Variants in ZCWPW2 observed in about 807,000 individuals in gnomAD.
ZCWPW2 encodes the protein zinc finger CW-type and PWWP domain containing 2, also known as zinc finger CW-type PWWP domain protein 2.
In ZCWPW2, 45 loss-of-function variants were observed where a neutral mutation model predicts 46.6. The observed-to-expected ratio is 0.96, with a 90% CI of 0.76 to 1.24. The LOEUF is 1.24. Among genes scored for constraint, ZCWPW2 ranks in the 50% most tolerant of loss-of-function variants. ZCWPW2 has a pLI of 0.00. For synonymous variants in ZCWPW2, 152 were observed against 137.1 expected, an observed-to-expected ratio of 1.11 and a Z score of -0.76; for missense variants, 429 against 403.9, an observed-to-expected ratio of 1.06 and a Z score of -0.53.
At chr3:28,491,374 A>G (rs1464370909) in intron 5 of ZCWPW2, among the ~76,000 whole-genome samples, 3 of 152,170 alleles carry the variant, frequency 2.0e-5, no homozygotes, top group Non-Finnish European at 4.4e-5. Context: ...TACATACTTT[A>G]GCACATCTCA....
intron 1 of ZCWPW2, among the ~76,000 whole-genome samples, chr3:28,370,078 G>C (rs1705268940): frequency 1.3e-5 from 2 of 152,216 alleles, no homozygotes; most frequent in South Asian, 4.1e-4. Flanking sequence ...GACTAGGAAA[G>C]GGAATTCCCT....
At chr3:28,449,587 T>C (rs917445655) in intron 4 of ZCWPW2, among the ~76,000 whole-genome samples, 1 of 152,160 alleles carries the variant, frequency 6.6e-6, no homozygotes, top group Admixed American at 6.5e-5. Context: ...AAAACAGTTA[T>C]GGAGATAGAG....
chr3:28,403,372 A>T (rs1378498917), intron 2 of ZCWPW2, among the ~76,000 whole-genome samples: 1 of 152,184 alleles, frequency 6.6e-6, no homozygotes, highest in Non-Finnish European at 1.5e-5. Flanking sequence ...AAAACTACAT[A>T]ACACTGCTGT....
intron 2 of ZCWPW2, among the ~76,000 whole-genome samples, chr3:28,401,748 A>G (rs1695946352): frequency 6.6e-6 from 1 of 152,158 alleles, no homozygotes; most frequent in South Asian, 2.1e-4. Context: ...ACCACAGTAT[A>G]AGAAAACTGA....
chr3:28,428,845 G>A (rs563108104), intron 3 of ZCWPW2, among the ~76,000 whole-genome samples: 18 of 152,252 alleles, frequency 1.2e-4, no homozygotes, highest in African/African-American at 3.6e-4. Context: ...TGTGAAGAAG[G>A]ATGTGTTTGC....
chr3:28,355,765 A>T (rs1395854790), intron 1 of ZCWPW2, among the ~76,000 whole-genome samples: 1 of 152,264 alleles, frequency 6.6e-6, no homozygotes, highest in African/African-American at 2.4e-5. Flanking sequence ...TTCCCTATTT[A>T]ATAAATGGTG....
intron 2 of ZCWPW2, among the ~76,000 whole-genome samples, chr3:28,392,265 T>G (rs952748802): frequency 2.0e-5 from 3 of 152,122 alleles, no homozygotes; most frequent in Non-Finnish European, 2.9e-5. Flanking sequence ...CAAGAAGATA[T>G]AACATCCATA....
chr3:28,519,980 G>A (rs925433608), intron 8 of ZCWPW2, among the ~76,000 whole-genome samples: 6 of 150,592 alleles, frequency 4.0e-5, no homozygotes, highest in Non-Finnish European at 7.4e-5. Flanking sequence ...CAAGGTCAAT[G>A]AATTACCAGA....
chr3:28,381,960 C>T (rs1443466607), intron 1 of ZCWPW2, among the ~76,000 whole-genome samples: 1 of 151,956 alleles, frequency 6.6e-6, no homozygotes, highest in Non-Finnish European at 1.5e-5. Context: ...GTCAGGAGTT[C>T]GAGACCATCC....
At chr3:28,457,821 A>G in intron 4 of ZCWPW2, among the ~76,000 whole-genome samples, 1 of 152,352 alleles carries the variant, frequency 6.6e-6, no homozygotes, top group East Asian at 1.9e-4. Flanking sequence ...CAGAATATAT[A>G]AAATACTTTA....
intron 4 of ZCWPW2, among the ~76,000 whole-genome samples, chr3:28,462,166 G>A (rs1698665311): frequency 6.6e-6 from 1 of 152,124 alleles, no homozygotes; most frequent in South Asian, 2.1e-4. Flanking sequence ...GCCACTGCGA[G>A]GGAGACACAG....
chr3:28,363,703 A>T (rs1217235162), intron 1 of ZCWPW2, among the ~76,000 whole-genome samples: 1 of 152,128 alleles, frequency 6.6e-6, no homozygotes, highest in African/African-American at 2.4e-5. Flanking sequence ...AGGTACCAGA[A>T]AACTAGGGTC....
rs936663222 is a variant in ZCWPW2, at chr3:28,389,353, G to A, written c.-133-1145G>A. Among the ~76,000 whole-genome samples the A allele has an allele frequency of 3.3e-5, 5 of 152,000 alleles. No individual in the cohort carries two copies. In the East Asian group the frequency reaches 9.7e-4, roughly 29 times the overall value. ...CTTTTTCTTTTTTTTCCATCACTTT[G>A]TCCAATAACATGAGGAAGAACCATC... is the stretch of plus-strand genomic sequence containing the variant. On this transcript the variant is annotated intron_variant, in intron 1 of 9. Coordinates refer to ENST00000383768, the MANE Select transcript of ZCWPW2 (RefSeq NM_001040432.4).
At chr3:28,498,327 T>A (rs1700051908) in intron 6 of ZCWPW2, among the ~76,000 whole-genome samples, 1 of 151,744 alleles carries the variant, frequency 6.6e-6, no homozygotes, top group African/African-American at 2.4e-5. Flanking sequence ...TTGAGACAAC[T>A]CTGTCTGCAA....
intron 3 of ZCWPW2, among the ~76,000 whole-genome samples, chr3:28,417,565 A>G (rs1308607941): frequency 6.6e-6 from 1 of 151,218 alleles, no homozygotes; most frequent in African/African-American, 2.4e-5. Context: ...ACAACAAAAA[A>G]AGAGAATTTT....
chr3:28,457,300 T>A (rs1698462916), intron 4 of ZCWPW2, among the ~76,000 whole-genome samples: 1 of 152,226 alleles, frequency 6.6e-6, no homozygotes, highest in Non-Finnish European at 1.5e-5. Flanking sequence ...CCCTTATGAT[T>A]CTATCATTAA....
At chr3:28,349,387 T>G (rs1385054098) in intron 1 of ZCWPW2, among the ~76,000 whole-genome samples, 184 bp downstream of exon 1, 1 of 152,184 alleles carries the variant, frequency 6.6e-6, no homozygotes. Flanking sequence ...GGGAAGTCTG[T>G]TAGAAGCCGT....
intron 2 of ZCWPW2, 118 bp downstream of exon 2, chr3:28,390,735 C>A: frequency 1.3e-6 from 1 of 754,634 alleles, no homozygotes; most frequent in Non-Finnish European, 1.6e-6. Flanking sequence ...ACCTGTATAA[C>A]TTCTCTATGA....
chr3:28,394,130 CAA>C (rs776125695), intron 2 of ZCWPW2, among the ~76,000 whole-genome samples: 12 of 151,920 alleles, frequency 7.9e-5, no homozygotes, highest in Non-Finnish European at 1.5e-4. Flanking sequence ...TGTACACTAA[CAA>C]GAGCTATCAA....
Sources: gnomAD v4.1 joint callset for allele counts (sites outside exome capture counted in the v4.1 genomes callset) on GRCh38, gnomAD v4.1.1 for gene constraint, MANE v1.5 for transcripts, NCBI Gene and HGNC (gene_info 2026-07-23, HGNC 2026-07-21) for gene names.